Variants in PHLPP2 observed in about 807,000 individuals in gnomAD.
PHLPP2 encodes the protein PH domain leucine-rich repeat-containing protein phosphatase 2.
In PHLPP2, 66 loss-of-function variants were observed where a neutral mutation model predicts 124.9. The observed-to-expected ratio is 0.53, with a 90% CI of 0.43 to 0.65. The LOEUF (loss-of-function observed/expected upper bound fraction) is 0.65. Among genes scored for constraint, PHLPP2 ranks in the 30% least tolerant of loss-of-function variants. PHLPP2 has a pLI of 0.00. For missense variants in PHLPP2, 1,685 were observed against 1,600.4 expected (o/e 1.05, Z -0.90); for synonymous variants, 681 against 624.7 (o/e 1.09, Z -1.34).
At chr16:71,654,144 G>A (rs1364318607) in intron 17 of PHLPP2, among the ~76,000 whole-genome samples, 3 of 141,186 alleles carry the variant, frequency 2.1e-5, no homozygotes, top group Admixed American at 7.8e-5. Flanking sequence ...GCAGTGAGCC[G>A]AGATTGCACT....
chr16:71,664,584 TA>T (rs556791060), intron 12 of PHLPP2, among the ~76,000 whole-genome samples: 13 of 148,222 alleles, frequency 8.8e-5, no homozygotes, highest in East Asian at 2.0e-4. Flanking sequence ...CCGTCTCTAC[TA>T]AAAAAAAAAT....
At chr16:71,696,756 C>A (rs886896611) in intron 3 of PHLPP2, among the ~76,000 whole-genome samples, 3 of 152,134 alleles carry the variant, frequency 2.0e-5, no homozygotes, top group Admixed American at 2.0e-4. Flanking sequence ...TATATTTTTG[C>A]CACTTTCGTA....
intron 13 of PHLPP2, among the ~76,000 whole-genome samples, chr16:71,663,269 G>A (rs569467377): frequency 3.0e-4 from 46 of 152,260 alleles, no homozygotes; most frequent in Middle Eastern, 3.4e-3. Flanking sequence ...GTGCCACCAC[G>A]TACGGCTAAT....
Position 71,647,741 on chromosome 16 carries a change from C to G in PHLPP2, c.*1149G>C, listed in dbSNP as rs1596983553. 6.6e-6 allele frequency: 1 copy of G among 152,208 alleles called. No individual in the cohort carries two copies. The highest frequency in any genetic ancestry group is 2.1e-4 in the South Asian group (1 of 4,830). The allele number at this position is 152,208 out of a possible 1,614,324, so 9.4% of individuals were successfully genotyped here. On this transcript the variant is annotated 3_prime_UTR_variant, in exon 19 of 19. Coordinates refer to ENST00000568954, the MANE Select transcript of PHLPP2 (RefSeq NM_015020.3). Reference sequence around the variant, plus strand: ...GTATCATATTTGTCAAGGGGTAATTCTCTTTTTCTGATCTAGGGAGAAGTA... The same window carrying G: ...GTATCATATTTGTCAAGGGGTAATTGTCTTTTTCTGATCTAGGGAGAAGTA...
In PHLPP2 at chr16:71,650,052, A is replaced by G; in HGVS notation, c.2818-8T>C. ...CCCATTCACTTTGTTGTCCTACAGA[A>G]GAGCAGGACACAAATTCTGAGAAAC... On this transcript the variant is annotated splice_region_variant and splice_polypyrimidine_tract_variant and intron_variant, in intron 18 of 18. Coordinates refer to ENST00000568954, the MANE Select transcript of PHLPP2 (RefSeq NM_015020.3). 1 of 1,594,274 alleles carries G rather than the reference A, an allele frequency of 6.3e-7. No homozygotes were observed. Among genetic ancestry groups the G allele is most frequent in the Non-Finnish European group, 8.5e-7 (1 of 1,172,400 alleles).
chr16:71,698,418 A>G, intron 3 of PHLPP2: 1 of 712,842 alleles, frequency 1.4e-6, no homozygotes, highest in Non-Finnish European at 2.6e-6. Flanking sequence ...GCTCCTTGTT[A>G]TGCAGCTTGG....
intron 9 of PHLPP2, among the ~76,000 whole-genome samples, chr16:71,672,935 C>G (rs886277501): frequency 6.6e-6 from 1 of 152,224 alleles, no homozygotes; most frequent in African/African-American, 2.4e-5. Flanking sequence ...TTCTGCCTAT[C>G]TACATAAATA....
chr16:71,690,742 T>C (rs755460122), intron 3 of PHLPP2, 33 bp from the exon 4 acceptor site: 1 of 1,429,086 alleles, frequency 7.0e-7, no homozygotes, highest in Non-Finnish European at 9.8e-7. Flanking sequence ...GAATCCACCA[T>C]TAAAGTAGTG....
At chr16:71,671,696 C>T (rs2044894600) in intron 10 of PHLPP2, among the ~76,000 whole-genome samples, 1 of 151,998 alleles carries the variant, frequency 6.6e-6, no homozygotes. Flanking sequence ...AGGCAGATCA[C>T]AAGGTCAGGA....
chr16:71,704,180 G>C (rs1477383279), intron 2 of PHLPP2, among the ~76,000 whole-genome samples: 1 of 151,888 alleles, frequency 6.6e-6, no homozygotes, highest in Admixed American at 6.6e-5. Flanking sequence ...GCATGGTGGC[G>C]GGCACCTGCA....
At chr16:71,665,683 C>T (rs1230470918) in intron 12 of PHLPP2, among the ~76,000 whole-genome samples, 1 of 152,104 alleles carries the variant, frequency 6.6e-6, no homozygotes, top group African/African-American at 2.4e-5. Flanking sequence ...AAATAAATAC[C>T]ACTGACAGTT....
At chr16:71,683,886 G>A (rs2145343985) in intron 5 of PHLPP2, among the ~76,000 whole-genome samples, 1 of 152,080 alleles carries the variant, frequency 6.6e-6, no homozygotes, top group East Asian at 1.9e-4. Context: ...CGCCTCCTGG[G>A]TTCAAGCGAT....
chr16:71,690,175 G>C (rs979705692), intron 4 of PHLPP2, among the ~76,000 whole-genome samples: 4 of 151,708 alleles, frequency 2.6e-5, no homozygotes, highest in African/African-American at 7.3e-5. Context: ...AATTGGGGGG[G>C]AAAAAAAACC....
At chr16:71,666,885 A>C (rs868507135) in intron 12 of PHLPP2, among the ~76,000 whole-genome samples, 1 of 152,212 alleles carries the variant, frequency 6.6e-6, no homozygotes, top group African/African-American at 2.4e-5. Flanking sequence ...TTTAAATATC[A>C]TAACTATATT....
At chr16:71,664,794 A>T (rs779650639) in intron 12 of PHLPP2, among the ~76,000 whole-genome samples, 3 of 152,166 alleles carry the variant, frequency 2.0e-5, no homozygotes, top group Non-Finnish European at 4.4e-5. Flanking sequence ...TAATAGCATC[A>T]TTATGTATTC....
intron 8 of PHLPP2, 96 bp from the exon 9 acceptor site, chr16:71,676,745 T>C: frequency 1.1e-6 from 1 of 897,962 alleles, no homozygotes. Flanking sequence ...ATGATCCCTT[T>C]CTCTGTTTAC....
chr16:71,692,293 T>A (rs981753848), intron 3 of PHLPP2, among the ~76,000 whole-genome samples: 1 of 152,058 alleles, frequency 6.6e-6, no homozygotes, highest in Non-Finnish European at 1.5e-5. Flanking sequence ...ATGGTCTCCA[T>A]CTCCTGACCT....
intron 1 of PHLPP2, among the ~76,000 whole-genome samples, chr16:71,720,302 G>C (rs2045390590): frequency 6.6e-6 from 1 of 151,512 alleles, no homozygotes; most frequent in Non-Finnish European, 1.5e-5. Flanking sequence ...ATTTTTAGCA[G>C]AGACGGGGTT....
intron 2 of PHLPP2, among the ~76,000 whole-genome samples, chr16:71,706,400 A>T (rs1455368836): frequency 6.6e-6 from 1 of 152,226 alleles, no homozygotes; most frequent in Non-Finnish European, 1.5e-5. Context: ...CATTCCAAGT[A>T]TCATTTCACA....
Sources: gnomAD v4.1 joint callset for allele counts (sites outside exome capture counted in the v4.1 genomes callset) on GRCh38, gnomAD v4.1.1 for gene constraint, MANE v1.5 for transcripts, NCBI Gene and HGNC (gene_info 2026-07-23, HGNC 2026-07-21) for gene names.